PPP2R3B: variants seen among roughly 807,000 people sequenced by gnomAD.
PPP2R3B encodes protein phosphatase 2 regulatory subunit B''beta.
In PPP2R3B, 68 loss-of-function variants were observed where a neutral mutation model predicts 72.9. The ratio of observed to expected loss-of-function variants is 0.93; its 90% CI spans 0.77 to 1.14. PPP2R3B has a LOEUF of 1.14. Ranked by LOEUF, PPP2R3B falls within the 50% of genes most tolerant of loss-of-function variation. The pLI, the probability that PPP2R3B is intolerant of heterozygous loss-of-function variation, is 0.00. For missense variants in PPP2R3B, 1,018 were observed against 842.0 expected (o/e 1.21, Z -2.59); for synonymous variants, 466 against 375.8 (o/e 1.24, Z -2.78).
In PPP2R3B at chrX:379,624, C is replaced by T. The variant is rs1161853516; in HGVS notation, c.324+6744G>A. On this transcript the variant is annotated intron_variant, in intron 1 of 12. Transcript: ENST00000390665. ...GTAGCTTCCAGAAATTAGAGAAGAA[C>T]TAAATAAACAGATAGAAACTTAATC... Among the ~76,000 whole-genome samples, 4 of 152,208 alleles carry T rather than the reference C, an allele frequency of 2.6e-5. No homozygotes were observed. In the East Asian group the frequency reaches 5.8e-4, roughly 22 times the overall value.
rs2071658448 is a variant in PPP2R3B at position 364,662 on chromosome X, GAGCTGAGAT to G, written c.325-3081_325-3073del. On this transcript the variant is annotated intron_variant, in intron 1 of 12. Transcript: ENST00000390665. ...CAACACAGGAGGCGGAGGTTGCAGT[GAGCTGAGAT>G]CGCACCACTGCACTCCAGCCTGGGC... is the stretch of plus-strand genomic sequence containing the variant. Among the ~76,000 whole-genome samples, 3 of 127,256 alleles carry G rather than the reference GAGCTGAGAT, an allele frequency of 2.4e-5. 1 individual carries two copies. The highest frequency in any genetic ancestry group is 7.9e-5 in the Admixed American group (1 of 12,596). 83.5% of individuals were successfully genotyped at this position (127,256 alleles called of 152,430 possible). A position where few individuals can be genotyped will look rare whatever the true frequency, so the allele number is the denominator to read the frequency against.
chrX:355,214 A>G (rs1376152912), intron 2 of PPP2R3B, among the ~76,000 whole-genome samples: 1 of 152,256 alleles, frequency 6.6e-6, no homozygotes, highest in Non-Finnish European at 1.5e-5. Context: ...GCTTCTCAAC[A>G]TTCACAATTG....
At chrX:384,982 CAAAA>C (rs773590401) in intron 1 of PPP2R3B, among the ~76,000 whole-genome samples, 4 of 63,070 alleles carry the variant, frequency 6.3e-5, no homozygotes, top group Non-Finnish European at 9.0e-5. Context: ...GAATCTGTCT[CAAAA>C]AAAAAAAAAA....
intron 1 of PPP2R3B, among the ~76,000 whole-genome samples, chrX:382,200 T>C (rs1243412697): frequency 4.7e-5 from 7 of 149,206 alleles, no homozygotes; most frequent in Admixed American, 3.3e-4. Context: ...TTTTTTCTTT[T>C]TTTTTTTTTT....
chrX:386,290 C>A (rs2072247189), intron 1 of PPP2R3B, 78 bp downstream of exon 1: 2 of 1,189,996 alleles, frequency 1.7e-6, no homozygotes, highest in Non-Finnish European at 2.1e-6. Context: ...CGCCCACCAG[C>A]CTCCATCGCG....
intron 7 of PPP2R3B, among the ~76,000 whole-genome samples, chrX:344,267 GGGAGTGAGACCTCACCAACGGGAGGCC>G (rs1489188145): frequency 9.9e-5 from 14 of 141,046 alleles, no homozygotes; most frequent in East Asian, 4.4e-4. Context: ...AAGGAGAGGC[GGGAGTGAGACCTCACCAACGGGAGGCC>G]GGAGTGAGAC....
At chrX:345,124 T>C (rs1315246751) in intron 7 of PPP2R3B, 2 of 490,398 alleles carry the variant, frequency 4.1e-6, no homozygotes, top group South Asian at 3.1e-5. Context: ...AGCCCGGGAT[T>C]GGATGGAAAC....
At position 372,434 on chromosome X, in the gene PPP2R3B, C is replaced by T. The variant is rs1388311877; in HGVS notation, c.325-10844G>A. On this transcript the variant is annotated intron_variant, in intron 1 of 12. Transcript: ENST00000390665. ...CTCCTGGAACTGAGTTTGAAAAGCG[C>T]GTCTGATGTGCCACGTGGGTGTGAG... Among the ~76,000 whole-genome samples the T allele has an allele frequency of 2.0e-5, 3 of 152,176 alleles. No individual in the cohort carries two copies. In the East Asian group the frequency reaches 5.8e-4, roughly 29 times the overall value.
intron 1 of PPP2R3B, among the ~76,000 whole-genome samples, chrX:382,305 C>A (rs1037998375): frequency 2.0e-5 from 3 of 150,898 alleles, no homozygotes; most frequent in Non-Finnish European, 4.4e-5. Flanking sequence ...TCAAGTGATT[C>A]TCCTGCCTCA....
At chrX:336,918 C>G (rs2070905227) in intron 12 of PPP2R3B, 1 of 152,060 alleles carries the variant, frequency 6.6e-6, no homozygotes, top group African/African-American at 2.4e-5. Flanking sequence ...CCACAGGGAT[C>G]CATTCACTCA....
intron 6 of PPP2R3B, 129 bp downstream of exon 6, chrX:346,045 G>T: frequency 3.7e-6 from 1 of 272,864 alleles, no homozygotes; most frequent in Admixed American, 4.6e-5. Flanking sequence ...CGGTGGAGGT[G>T]GGGGTGGGGG....
At position 345,651 on chromosome X, in the gene PPP2R3B, C is replaced by G; in HGVS notation, c.901G>C (p.Glu301Gln). Residue 301 changes from glutamate (E) to glutamine (Q), a missense_variant, in exon 7 of 13, where the codon GAG becomes CAG. Coordinates refer to ENST00000390665, the MANE Select transcript of PPP2R3B (RefSeq NM_013239.5). ...FLQNVALLEE[E>Q]ADINQLTEFF... ...TCGGTCAGCTGGTTGATGTCCGCCT[C>G]CTCCTCCAGCAGCGCCACATTCTGC... The G allele has an allele frequency of 6.2e-7, 1 of 1,612,874 alleles. No homozygotes were observed. The highest frequency in any genetic ancestry group is 1.1e-5 in the South Asian group (1 of 91,058).
At chrX:346,084 GGA>G (rs2071202336) in intron 6 of PPP2R3B, 88 bp downstream of exon 6, 3 of 590,686 alleles carry the variant, frequency 5.1e-6, no homozygotes, top group Non-Finnish European at 8.2e-6. Context: ...TGGGAGGGGA[GGA>G]GGGAGGGGGG....
intron 12 of PPP2R3B, chrX:336,250 C>A (rs6603201): frequency 0.38 from 57,267 of 152,032 alleles, 12,024 homozygotes; most frequent in African/African-American, 0.57. Context: ...TCGGCAAGAT[C>A]TATCCTGGGA....
chrX:341,628 C>G (rs1268455154), intron 8 of PPP2R3B: 55 of 643,366 alleles, frequency 8.5e-5, no homozygotes, highest in Non-Finnish European at 1.0e-4. Context: ...ACTGCTCACT[C>G]AGGCCCAGCG....
rs763762663 is a variant in PPP2R3B, at chrX:345,722, C to T, written c.880-50G>A. 2.4e-5 allele frequency: 39 copies of T among 1,595,258 alleles called. No homozygotes were observed. In the African/African-American group the frequency reaches 4.0e-4, roughly 17 times the overall value. On this transcript the variant is annotated intron_variant, in intron 6 of 12. Transcript: ENST00000390665. Reference sequence around the variant, plus strand: ...AGCGCGGGGCCTCTGCGGGGATGCCCCAAGTCCGCCTGGCTGCGGGCGGGG... The same window carrying T: ...AGCGCGGGGCCTCTGCGGGGATGCCTCAAGTCCGCCTGGCTGCGGGCGGGG...
chrX:346,504 G>C, intron 5 of PPP2R3B, 197 bp downstream of exon 5: 1 of 637,060 alleles, frequency 1.6e-6, no homozygotes, highest in Admixed American at 3.1e-5. Flanking sequence ...AAGGGGGTGC[G>C]GCCACCCCGG....
In PPP2R3B at chrX:334,493, C is replaced by T. The variant is rs2070834523; in HGVS notation, c.1602G>A (p.Val534=). ...AGCGCAGCGCACTCAGCTTCTGCTC[C>T]ACAGGGCTGAGCTCGGCCTCGAACC... The part of the protein sequence containing the change: ...EDGFEAELSP[V]EQKLSALRSP... Residue 534 remains valine, a synonymous_variant, in exon 13 of 13, where the codon GTG becomes GTA. Coordinates refer to ENST00000390665, the MANE Select transcript of PPP2R3B (RefSeq NM_013239.5). 1.9e-6 allele frequency: 3 copies of T among 1,579,538 alleles called. No homozygotes were observed. Among genetic ancestry groups the T allele is most frequent in the African/African-American group, 1.4e-5 (1 of 73,200 alleles).
chrX:382,333 G>A (rs899314803), intron 1 of PPP2R3B, among the ~76,000 whole-genome samples: 1 of 151,882 alleles, frequency 6.6e-6, no homozygotes, highest in African/African-American at 2.4e-5. Context: ...GAGTAGCTGG[G>A]ATTACAGGTG....
Sources: gnomAD v4.1 joint callset for allele counts (sites outside exome capture counted in the v4.1 genomes callset) on GRCh38, gnomAD v4.1.1 for gene constraint, MANE v1.5 for transcripts, NCBI Gene and HGNC (gene_info 2026-07-23, HGNC 2026-07-21) for gene names.